SLC7A2: variants seen among roughly 807,000 people sequenced by gnomAD.
SLC7A2 encodes cationic amino acid transporter 2.
Under a neutral mutation model 58.9 loss-of-function variants are expected in SLC7A2, and 48 were observed. That is an observed-to-expected ratio of 0.82 (90% CI 0.65 to 1.04). The LOEUF (loss-of-function observed/expected upper bound fraction) is 1.04, where lower values mean the gene tolerates loss of function less well. Among genes scored for constraint, SLC7A2 ranks in the 50% least tolerant of loss-of-function variants. The pLI, the probability that SLC7A2 is intolerant of heterozygous loss-of-function variation, is 0.00. For missense variants in SLC7A2, 1,029 were observed against 818.8 expected (o/e 1.26, Z -3.13); for synonymous variants, 363 against 314.5 (o/e 1.15, Z -1.63).
chr8:17,497,883 T>C (rs549154220), intron 1 of SLC7A2, among the ~76,000 whole-genome samples: 1 of 152,286 alleles, frequency 6.6e-6, no homozygotes, highest in Admixed American at 6.5e-5. Context: ...CATGAAACGC[T>C]GTTCTTGAGG....
rs766869904 is a variant in SLC7A2 at position 17,554,730 on chromosome 8, G to C, written c.1195+31G>C. 2.5e-6 allele frequency: 4 copies of C among 1,586,192 alleles called. No homozygotes were observed. The South Asian group carries it at 4.7e-5, about 18-fold the overall frequency. On this transcript the variant is annotated intron_variant, in intron 8 of 12. Coordinates refer to ENST00000494857, the MANE Select transcript of SLC7A2 (RefSeq NM_001370338.1). ...AGAGAGTTGACTTTTCTTCAGAAAC[G>C]GGGGATCTTTTTCATCAAGGACTCT...
intron 10 of SLC7A2, 150 bp downstream of exon 10, chr8:17,560,683 T>C (rs775456744): frequency 6.2e-6 from 4 of 641,716 alleles, no homozygotes; most frequent in Non-Finnish European, 1.1e-5. Context: ...TCACCAGTGG[T>C]TGAGATCATC....
intron 2 of SLC7A2, among the ~76,000 whole-genome samples, chr8:17,539,606 T>C (rs1332389941): frequency 6.6e-6 from 1 of 152,334 alleles, no homozygotes; most frequent in Non-Finnish European, 1.5e-5. Flanking sequence ...GAGCCTTATA[T>C]TCTAAGGCCA....
chr8:17,564,990 G>A lies in SLC7A2; in HGVS notation c.1821G>A (p.Leu607=), dbSNP rs951366792. 22 of 1,613,564 alleles carry A rather than the reference G, an allele frequency of 1.4e-5. No homozygotes were observed. Among genetic ancestry groups the A allele is most frequent in the Non-Finnish European group, 1.9e-5 (22 of 1,179,812 alleles). ...TTTCTTATGGCATTAGACACAGCCT[G>A]GAGGGTCATCTGAGAGATGAAAACA... is the stretch of plus-strand genomic sequence containing the variant. ...IYFSYGIRHS[L]EGHLRDENNE... Residue 607 remains leucine (L), a synonymous_variant, in exon 13 of 13, where the codon CTG becomes CTA. Coordinates refer to ENST00000494857, the MANE Select transcript of SLC7A2 (RefSeq NM_001370338.1).
intron 2 of SLC7A2, among the ~76,000 whole-genome samples, chr8:17,530,717 G>T (rs937434140): frequency 4.0e-5 from 6 of 151,852 alleles, no homozygotes; most frequent in Non-Finnish European, 8.8e-5. Context: ...GGACTACAGG[G>T]ACGTGCCACC....
Position 17,507,429 on chromosome 8 carries a change from G to A in SLC7A2, c.-23+5127G>A, listed in dbSNP as rs1413030468. ...GGGTCTCACTGTGTTGCCCAGGCTG[G>A]TTTTGAACTCCTGGCCTCAAATGAT... is the stretch of plus-strand genomic sequence containing the variant. On this transcript the variant is annotated intron_variant, in intron 2 of 12. Coordinates refer to ENST00000494857, the MANE Select transcript of SLC7A2 (RefSeq NM_001370338.1). Among the ~76,000 whole-genome samples the A allele has an allele frequency of 2.6e-5, 4 of 152,118 alleles. No homozygotes were observed. In the East Asian group the frequency reaches 5.8e-4, roughly 22 times the overall value.
At chr8:17,518,643 G>C (rs61245259) in intron 2 of SLC7A2, among the ~76,000 whole-genome samples, 1 of 151,836 alleles carries the variant, frequency 6.6e-6, no homozygotes, top group South Asian at 2.1e-4. Context: ...ATTAGCAAAA[G>C]ACAAACAAAG....
chr8:17,548,640 T>G, intron 4 of SLC7A2, 38 bp from the exon 5 acceptor site: 2 of 1,525,520 alleles, frequency 1.3e-6, no homozygotes, highest in Non-Finnish European at 1.8e-6. Context: ...TTGCCTTTCC[T>G]AAAGCTAAAT....
chr8:17,550,460 TAGA>T (rs776400654), intron 6 of SLC7A2, 26 bp downstream of exon 6: 4 of 1,606,492 alleles, frequency 2.5e-6, no homozygotes, highest in Non-Finnish European at 3.4e-6. Flanking sequence ...TGGCTCAGTG[TAGA>T]AGGAGTGTTC....
chr8:17,561,164 A>C (rs191994251), intron 10 of SLC7A2, among the ~76,000 whole-genome samples: 2 of 152,252 alleles, frequency 1.3e-5, no homozygotes, highest in Admixed American at 6.5e-5. Context: ...AAAGATGCAG[A>C]TGATATATTA....
intron 2 of SLC7A2, among the ~76,000 whole-genome samples, chr8:17,529,563 C>G (rs1325377712): frequency 6.8e-6 from 1 of 147,872 alleles, no homozygotes; most frequent in Admixed American, 6.8e-5. Flanking sequence ...TAGAGTCTTG[C>G]TCTGTCACCC....
At chr8:17,555,623 A>G (rs752238452) in intron 8 of SLC7A2, among the ~76,000 whole-genome samples, 1 of 151,952 alleles carries the variant, frequency 6.6e-6, no homozygotes, top group East Asian at 1.9e-4. Flanking sequence ...TATGGTGGGC[A>G]TCCTTGCTTC....
chr8:17,558,344 C>A lies in SLC7A2; in HGVS notation c.1245C>A (p.Ser415=), dbSNP rs1483038745. 1.9e-6 allele frequency: 3 copies of A among 1,613,532 alleles called. No homozygotes were observed. Among genetic ancestry groups the A allele is most frequent in the Admixed American group, 1.7e-5 (1 of 59,944 alleles). Residue 415 remains serine, a synonymous_variant, in exon 9 of 13, where the codon TCC becomes TCA. Transcript: ENST00000494857. ...TGAAGGCGCTTGTGGACATGATGTC[C>A]ATTGGCACACTCATGGCCTACTCTC... ...FDLKALVDMM[S]IGTLMAYSLV... is the part of the protein sequence containing the mutation.
chr8:17,522,089 G>A (rs758734859), intron 2 of SLC7A2, among the ~76,000 whole-genome samples: 7 of 152,112 alleles, frequency 4.6e-5, no homozygotes, highest in African/African-American at 7.2e-5. Flanking sequence ...TGATAAAGAC[G>A]TACCCAAGAT....
intron 2 of SLC7A2, among the ~76,000 whole-genome samples, chr8:17,507,798 A>C (rs1800433462): frequency 6.6e-6 from 1 of 152,176 alleles, no homozygotes; most frequent in South Asian, 2.1e-4. Flanking sequence ...TTTCAAAGAG[A>C]TATTTGAAGC....
chr8:17,533,068 G>C (rs1038460320), intron 2 of SLC7A2, among the ~76,000 whole-genome samples: 3 of 152,092 alleles, frequency 2.0e-5, no homozygotes, highest in Non-Finnish European at 4.4e-5. Flanking sequence ...GCATGTTCTA[G>C]ATAGAAATTT....
chr8:17,495,797 G>A (rs1209435939), upstream of SLC7A2, among the ~76,000 whole-genome samples: 2 of 152,164 alleles, frequency 1.3e-5, no homozygotes, highest in Non-Finnish European at 1.5e-5. Context: ...TGATCGGCGC[G>A]CCTCGGCGTC....
At chr8:17,528,850 A>C (rs1403835774) in intron 2 of SLC7A2, among the ~76,000 whole-genome samples, 2 of 152,056 alleles carry the variant, frequency 1.3e-5, no homozygotes, top group Non-Finnish European at 2.9e-5. Flanking sequence ...ATAGGAGGAG[A>C]GCTCCATGAA....
At chr8:17,510,730 G>T (rs1800570318) in intron 2 of SLC7A2, 1 of 152,114 alleles carries the variant, frequency 6.6e-6, no homozygotes, top group Non-Finnish European at 1.5e-5. Context: ...ATACCATTTG[G>T]CCCAGCAGTC....
Sources: gnomAD v4.1 joint callset for allele counts (sites outside exome capture counted in the v4.1 genomes callset) on GRCh38, gnomAD v4.1.1 for gene constraint, MANE v1.5 for transcripts, NCBI Gene and HGNC (gene_info 2026-07-23, HGNC 2026-07-21) for gene names.